Variants in CDH18 observed in about 807,000 individuals in gnomAD.
The protein encoded by CDH18 is cadherin 18.
Under a neutral mutation model 67.9 loss-of-function variants are expected in CDH18, and 31 were observed. The observed-to-expected ratio is 0.46, with a 90% confidence interval of 0.34 to 0.62. CDH18 has a LOEUF of 0.62. Among genes scored for constraint, CDH18 ranks in the 20% least tolerant of loss-of-function variants. The pLI, the probability that CDH18 is intolerant of heterozygous loss-of-function variation, is 0.01. For synonymous variants in CDH18, 362 were observed against 347.2 expected, an observed-to-expected ratio of 1.04 and a Z score of -0.48; for missense variants, 890 against 975.5, an observed-to-expected ratio of 0.91 and a Z score of 1.17.
chr5:20,019,903 G>C (rs1360613969), intron 2 of CDH18, among the ~76,000 whole-genome samples: 1 of 152,192 alleles, frequency 6.6e-6, no homozygotes, highest in Non-Finnish European at 1.5e-5. Flanking sequence ...GAATTTCCTA[G>C]AGACTTGTTA....
At chr5:20,097,633 T>G (rs1039335096) in intron 2 of CDH18, among the ~76,000 whole-genome samples, 1 of 152,290 alleles carries the variant, frequency 6.6e-6, no homozygotes, top group African/African-American at 2.4e-5. Flanking sequence ...GTTATTTATA[T>G]TATAATCTAC....
At chr5:19,856,241 AAGAT>A (rs1412471448) in intron 2 of CDH18, among the ~76,000 whole-genome samples, 2 of 152,230 alleles carry the variant, frequency 1.3e-5, no homozygotes, top group African/African-American at 4.8e-5. Context: ...TAAAACTTTG[AAGAT>A]AGGGCTAGGT....
At chr5:20,333,198 G>A (rs1429941563) in intron 1 of CDH18, among the ~76,000 whole-genome samples, 1 of 151,860 alleles carries the variant, frequency 6.6e-6, no homozygotes, top group East Asian at 1.9e-4. Flanking sequence ...CACACACACA[G>A]GTATATGGGA....
At chr5:20,093,873 A>G (rs571591550) in intron 2 of CDH18, among the ~76,000 whole-genome samples, 1 of 152,308 alleles carries the variant, frequency 6.6e-6, no homozygotes, top group Admixed American at 6.5e-5. Flanking sequence ...ATAAAACTTG[A>G]AGTTCATAGC....
At chr5:19,497,324 T>C (rs749767006) in intron 11 of CDH18, among the ~76,000 whole-genome samples, 1 of 152,208 alleles carries the variant, frequency 6.6e-6, no homozygotes, top group Non-Finnish European at 1.5e-5. Flanking sequence ...ATAGACCACA[T>C]TTTCTTTGAA....
At chr5:19,597,575 T>C (rs2150052054) in intron 6 of CDH18, among the ~76,000 whole-genome samples, 1 of 152,222 alleles carries the variant, frequency 6.6e-6, no homozygotes, top group Non-Finnish European at 1.5e-5. Context: ...TTTCTCCTCC[T>C]ATGATTTTAT....
chr5:20,378,159 T>C (rs1333730885), intron 1 of CDH18, among the ~76,000 whole-genome samples: 1 of 152,168 alleles, frequency 6.6e-6, no homozygotes, highest in Non-Finnish European at 1.5e-5. Context: ...CATTAACAGA[T>C]GACCCTCGTT....
At chr5:19,546,634 A>G (rs748676526) in intron 8 of CDH18, among the ~76,000 whole-genome samples, 1 of 152,180 alleles carries the variant, frequency 6.6e-6, no homozygotes, top group South Asian at 2.1e-4. Flanking sequence ...TGGAATTGCA[A>G]TACAACCAAC....
chr5:19,477,951 C>G (rs923218558), intron 12 of CDH18, among the ~76,000 whole-genome samples: 3 of 151,754 alleles, frequency 2.0e-5, no homozygotes, highest in Non-Finnish European at 4.4e-5. Flanking sequence ...AATATTTTAT[C>G]CTTGGTTAGT....
At chr5:19,612,383 T>C in intron 6 of CDH18, 51 bp downstream of exon 6, 1 of 1,562,764 alleles carries the variant, frequency 6.4e-7, no homozygotes, top group Non-Finnish European at 8.8e-7. Flanking sequence ...TTCATTTTAC[T>C]TTACATAAAG....
At chr5:19,793,848 A>G (rs1776601248) in intron 3 of CDH18, among the ~76,000 whole-genome samples, 1 of 152,104 alleles carries the variant, frequency 6.6e-6, no homozygotes, top group Admixed American at 6.6e-5. Flanking sequence ...ATTAATCTCT[A>G]TAGATATACA....
At chr5:20,173,994 A>G (rs1478469534) in intron 2 of CDH18, among the ~76,000 whole-genome samples, 1 of 152,162 alleles carries the variant, frequency 6.6e-6, no homozygotes, top group Non-Finnish European at 1.5e-5. Context: ...TATATTTACC[A>G]CTTTAGGAAT....
chr5:20,210,818 T>G (rs1201969793), intron 2 of CDH18, among the ~76,000 whole-genome samples: 1 of 152,076 alleles, frequency 6.6e-6, no homozygotes, highest in African/African-American at 2.4e-5. Flanking sequence ...GTTATCTGTA[T>G]GCTTTTAAAC....
intron 2 of CDH18, among the ~76,000 whole-genome samples, chr5:20,233,550 CTATTTGCTAATTTGCTATTTACAA>C (rs1261718249): frequency 2.6e-5 from 4 of 151,822 alleles, no homozygotes; most frequent in Non-Finnish European, 4.4e-5. Flanking sequence ...TGTAATGTTC[CTATTTGCTAATTTGCTATTTACAA>C]ATTTTGTTTT....
intron 1 of CDH18, among the ~76,000 whole-genome samples, chr5:20,316,349 C>T (rs1282173169): frequency 6.6e-6 from 1 of 151,952 alleles, no homozygotes; most frequent in Non-Finnish European, 1.5e-5. Flanking sequence ...TTTAAGATCT[C>T]TTATTATCAC....
chr5:20,103,611 T>C (rs1275918243), intron 2 of CDH18, among the ~76,000 whole-genome samples: 1 of 149,240 alleles, frequency 6.7e-6, no homozygotes, highest in Non-Finnish European at 1.5e-5. Flanking sequence ...CGGGTGCCTG[T>C]AATCCCAGCT....
At chr5:20,118,906 C>T (rs1456886967) in intron 2 of CDH18, among the ~76,000 whole-genome samples, 1 of 152,122 alleles carries the variant, frequency 6.6e-6, no homozygotes, top group East Asian at 1.9e-4. Flanking sequence ...TAATTTTCCC[C>T]TTTCACATAC....
intron 5 of CDH18, among the ~76,000 whole-genome samples, chr5:19,715,815 C>CTT (rs35593653): frequency 8.4e-6 from 1 of 119,382 alleles, no homozygotes; most frequent in Non-Finnish European, 1.8e-5. Flanking sequence ...TTGTCGATCT[C>CTT]TTTTTTTTTT....
chr5:20,304,611 A>G, intron 1 of CDH18: 23 of 1,611,998 alleles, frequency 1.4e-5, no homozygotes, highest in Non-Finnish European at 1.9e-5. Context: ...AGCCCAAAAC[A>G]GAGCTATCAA....
Sources: allele counts gnomAD v4.1 joint callset (sites outside exome capture counted in the v4.1 genomes callset), GRCh38; gene constraint gnomAD v4.1.1; transcripts MANE v1.5; gene names NCBI Gene and HGNC (gene_info 2026-07-23, HGNC 2026-07-21).